DMKN: variants seen among roughly 807,000 people sequenced by gnomAD.
DMKN encodes the protein dermokine.
DMKN carries 58 observed loss-of-function variants against 67.6 expected under a neutral mutation model. The observed-to-expected ratio is 0.86, with a 90% confidence interval of 0.69 to 1.07. DMKN has a LOEUF of 1.07. Among genes scored for constraint, DMKN ranks in the 50% least tolerant of loss-of-function variants. The pLI, the probability that DMKN is intolerant of heterozygous loss-of-function variation, is 0.00. For synonymous variants in DMKN, 240 were observed against 232.3 expected, an observed-to-expected ratio of 1.03 and a Z score of -0.30; for missense variants, 596 against 601.5, an observed-to-expected ratio of 0.99 and a Z score of 0.10.
At chr19:35,503,337 G>A (rs527293073) in intron 9 of DMKN, 1 of 1,544,192 alleles carries the variant, frequency 6.5e-7, no homozygotes, top group Admixed American at 2.0e-5. Flanking sequence ...CAAGGGCAAG[G>A]GCTGAGATTA....
At position 35,511,501 on chromosome 19, in the gene DMKN, G is replaced by T; in HGVS notation, c.828C>A (p.Ser276Arg). Residue 276 changes from serine (S) to arginine (R), a missense_variant, in exon 5 of 16, where the codon AGC (serine) becomes AGA (arginine). Coordinates refer to ENST00000339686, the MANE Select transcript of DMKN (RefSeq NM_033317.5). ...GSSSGGSSSG[S>R]SSGGSSGGSS... The stretch of plus-strand genomic sequence containing the variant: ...TGCCGCCACTGCTGCCGCCACTGCT[G>T]CTGCCACTGCTGCTGCCACCACTGC... 1 of 1,079,566 alleles carries T rather than the reference G, an allele frequency of 9.3e-7. No homozygotes were observed. 66.9% of individuals were successfully genotyped at this position (1,079,566 alleles called of 1,614,324 possible).
At chr19:35,512,209 G>A (rs547279633) in intron 3 of DMKN, among the ~76,000 whole-genome samples, 1 of 152,074 alleles carries the variant, frequency 6.6e-6, no homozygotes, top group East Asian at 1.9e-4. Context: ...TGTTGACCAG[G>A]CTGGTCTTGA....
In DMKN at chr19:35,506,155, C is replaced by T. The variant is rs1259187858; in HGVS notation, c.1039-169G>A. 1.0e-5 allele frequency: 16 copies of T among 1,547,962 alleles called. No homozygotes were observed. The East Asian group carries it at 3.8e-4, about 37-fold the overall frequency. On this transcript the variant is annotated intron_variant, in intron 7 of 15. Transcript: ENST00000339686. Reference sequence around the variant, plus strand: ...GTATTGACTCCACCAACAGCGTCACCTCCTCCACTGCCCCAGCTCGACCCT... The same window carrying T: ...GTATTGACTCCACCAACAGCGTCACTTCCTCCACTGCCCCAGCTCGACCCT...
At chr19:35,501,934 G>A (rs751913059) in intron 11 of DMKN, 16 of 1,558,812 alleles carry the variant, frequency 1.0e-5, no homozygotes, top group Middle Eastern at 1.7e-4. Context: ...CCTCGGCCTC[G>A]GCTTTTATGC....
intron 9 of DMKN, chr19:35,503,528 T>G: frequency 6.6e-7 from 1 of 1,518,838 alleles, no homozygotes; most frequent in Non-Finnish European, 8.8e-7. Flanking sequence ...CAGGCTGGAG[T>G]GCAGTGGCAC....
At chr19:35,509,043 C>A (rs1395073769) in intron 7 of DMKN, among the ~76,000 whole-genome samples, 1 of 151,442 alleles carries the variant, frequency 6.6e-6, no homozygotes, top group Non-Finnish European at 1.5e-5. Context: ...ATGGTGAAAC[C>A]CCATCTCTAC....
chr19:35,498,604 T>C, intron 15 of DMKN, 112 bp downstream of exon 15: 1 of 1,457,128 alleles, frequency 6.9e-7, no homozygotes, highest in South Asian at 1.3e-5. Flanking sequence ...ATACCTGACT[T>C]CATGTCGCTG....
At chr19:35,511,278 C>G (rs1208307802) in intron 5 of DMKN, 133 bp downstream of exon 5, 1 of 1,500,502 alleles carries the variant, frequency 6.7e-7, no homozygotes, top group African/African-American at 1.4e-5. Context: ...GAGGGAGCCT[C>G]AGGGTGACGA....
At chr19:35,501,692 C>G in intron 11 of DMKN, 2 of 943,840 alleles carry the variant, frequency 2.1e-6, no homozygotes, top group South Asian at 4.1e-5. Context: ...CAGCTGCCTC[C>G]ACTAGACAGG....
chr19:35,506,882 A>G, intron 7 of DMKN: 1 of 214,660 alleles, frequency 4.7e-6, no homozygotes, highest in South Asian at 6.3e-5. Flanking sequence ...GCATGGTGGC[A>G]CATGCCTGTA....
At position 35,505,920 on chromosome 19, in the gene DMKN, G is replaced by A. The variant is rs2069404724; in HGVS notation, c.1086+19C>T. The A allele has an allele frequency of 1.2e-6, 2 of 1,614,186 alleles. No homozygotes were observed. The highest frequency in any genetic ancestry group is 4.5e-5 in the East Asian group (2 of 44,884). ...GGTTTTCCAAATGCGAGTGAACAGA[G>A]CCATCTCGCAGAACTCACCTTCCAG... is the stretch of plus-strand genomic sequence containing the variant. On this transcript the variant is annotated intron_variant, in intron 8 of 15. Transcript: ENST00000339686.
intron 6 of DMKN, 51 bp downstream of exon 6, chr19:35,510,133 G>A (rs1419360993): frequency 6.4e-7 from 1 of 1,574,420 alleles, no homozygotes; most frequent in Non-Finnish European, 8.6e-7. Flanking sequence ...GAAACCAGCT[G>A]CTCTCCTTTT....
chr19:35,510,529 C>G, intron 5 of DMKN: 1 of 1,540,206 alleles, frequency 6.5e-7, no homozygotes, highest in South Asian at 1.2e-5. Flanking sequence ...CCCTGGAGCC[C>G]GGCCGCGCAG....
chr19:35,502,682 G>A (rs79829840), intron 10 of DMKN, 148 bp downstream of exon 10: 1 of 782,614 alleles, frequency 1.3e-6, no homozygotes, highest in African/African-American at 1.7e-5. Flanking sequence ...TTCAGCCTGG[G>A]TGATAGAGCG....
In DMKN at chr19:35,502,881, C is replaced by T. The variant is rs757900991; in HGVS notation, c.1140G>A (p.Gln380=). The T allele has an allele frequency of 2.5e-6, 4 of 1,613,802 alleles. No homozygotes were observed. Among genetic ancestry groups the T allele is most frequent in the Middle Eastern group, 1.6e-4 (1 of 6,072 alleles). Residue 380 remains glutamine, a synonymous_variant, in exon 10 of 16, where the codon CAG becomes CAA. Coordinates refer to ENST00000339686, the MANE Select transcript of DMKN (RefSeq NM_033317.5). The stretch of plus-strand genomic sequence containing the variant: ...GGGCTCGGGTGCTGGGGGGCGGGAC[C>T]TGGTTCTGTGGATGAAAGGCGGGGA... ...FINWDAINKN[Q]VPPPSTRALL...
chr19:35,505,242 G>C (rs773559957), intron 9 of DMKN, among the ~76,000 whole-genome samples: 2 of 152,086 alleles, frequency 1.3e-5, no homozygotes, highest in African/African-American at 2.4e-5. Context: ...GGAGGAAGGA[G>C]GGAGGGGTTC....
rs771954574 is a variant in DMKN at position 35,498,862 on chromosome 19, C to A, written c.1383+12G>T. On this transcript the variant is annotated intron_variant, in intron 14 of 15. Coordinates refer to ENST00000339686, the MANE Select transcript of DMKN (RefSeq NM_033317.5). Reference sequence around the variant, plus strand: ...CTCTCCAGCCAGATGAAGATCAGGCCCCCATACTCACCGAGGAAGAAGGTG... The same window carrying A: ...CTCTCCAGCCAGATGAAGATCAGGCACCCATACTCACCGAGGAAGAAGGTG... 1.2e-5 allele frequency: 20 copies of A among 1,613,978 alleles called. No individual in the cohort carries two copies. The South Asian group carries it at 2.0e-4, about 16-fold the overall frequency.
chr19:35,512,714 A>G lies in DMKN; in HGVS notation c.503T>C (p.Leu168Pro), dbSNP rs1328183860. Residue 168 changes from leucine (L) to proline (P), a missense_variant, in exon 2 of 16, where the codon CTG becomes CCG. Coordinates refer to ENST00000339686, the MANE Select transcript of DMKN (RefSeq NM_033317.5). Reference sequence around the variant, plus strand: ...GTATCCGTGGACCCACGGAGTCCCCAGACCTCCAGGATTGCCCTGGCCCTG... The same window carrying G: ...GTATCCGTGGACCCACGGAGTCCCCGGACCTCCAGGATTGCCCTGGCCCTG... Reference protein sequence around the residue: ...GGQGQGNPGGLGTPWVHGYPG... With the variant: ...GGQGQGNPGGPGTPWVHGYPG... The G allele has an allele frequency of 6.2e-7, 1 of 1,614,192 alleles. No homozygotes were observed. Among genetic ancestry groups the G allele is most frequent in the South Asian group, 1.1e-5 (1 of 91,088 alleles).
At position 35,513,248 on chromosome 19, in the gene DMKN, T is replaced by C. The variant is rs1314281136; in HGVS notation, c.228A>G (p.Arg76=). ...GCCTGACTCCAGTGCCAACTGCTTC[T>C]CTGGTCCCTTGGCCAAGGGCCTCAC... ...KVSEALGQGT[R]EAVGTGVRQV... The change falls in exon 1 of 16, where the codon AGA becomes AGG. Residue 76 remains arginine, a synonymous_variant. Transcript: ENST00000339686. 6.2e-7 allele frequency: 1 copy of C among 1,614,262 alleles called. No individual in the cohort carries two copies. Among genetic ancestry groups the C allele is most frequent in the Admixed American group, 1.7e-5 (1 of 60,034 alleles).
Sources: allele counts gnomAD v4.1 joint callset (sites outside exome capture counted in the v4.1 genomes callset), GRCh38; gene constraint gnomAD v4.1.1; transcripts MANE v1.5; gene names NCBI Gene and HGNC (gene_info 2026-07-23, HGNC 2026-07-21).